DPP6: variants seen among roughly 807,000 people sequenced by gnomAD.
The protein encoded by DPP6 is dipeptidyl peptidase like 6.
In DPP6, 69 loss-of-function variants were observed where a neutral mutation model predicts 122.6. The ratio of observed to expected loss-of-function variants is 0.56; its 90% CI spans 0.46 to 0.69. DPP6 has a LOEUF of 0.69. Among genes scored for constraint, DPP6 ranks in the 30% least tolerant of loss-of-function variants. The pLI is 0.00. For synonymous variants in DPP6, 418 were observed against 433.1 expected, an observed-to-expected ratio of 0.97 and a Z score of 0.43; for missense variants, 928 against 1,116.9, an observed-to-expected ratio of 0.83 and a Z score of 2.41.
At chr7:154,402,151 G>T (rs1408304409) in intron 1 of DPP6, among the ~76,000 whole-genome samples, 2 of 150,156 alleles carry the variant, frequency 1.3e-5, no homozygotes, top group Non-Finnish European at 3.0e-5. Flanking sequence ...CTGTTGGTGG[G>T]ACTGTAAACT....
At chr7:154,154,507 C>T (rs1397112114) in intron 1 of DPP6, among the ~76,000 whole-genome samples, 3 of 152,114 alleles carry the variant, frequency 2.0e-5, no homozygotes, top group Non-Finnish European at 4.4e-5. Context: ...TGATGCAATC[C>T]AAGAAACAGA....
chr7:154,154,095 C>T (rs1362439354), intron 1 of DPP6, among the ~76,000 whole-genome samples: 2 of 152,226 alleles, frequency 1.3e-5, no homozygotes, highest in African/African-American at 4.8e-5. Context: ...CTTCAGGCAG[C>T]AGGAAAAGTC....
At position 154,252,743 on chromosome 7, in the gene DPP6, A is replaced by C. The variant is rs117676194; in HGVS notation, c.244-193471A>C. 5.4e-4 allele frequency among the ~76,000 whole-genome samples: 83 copies of C among 152,348 alleles called. 1 individual carries two copies. In the East Asian group the frequency reaches 0.015, roughly 28 times the overall value. On this transcript the variant is annotated intron_variant, in intron 1 of 25. Transcript: ENST00000377770. ...ATGAGTTGGAAAAGTAAGACTAACA[A>C]ATCTAGAATAAAAGTGAATTGTCTT...
At chr7:153,840,561 AG>A in the DPP6 span, among the ~76,000 whole-genome samples, 88 of 152,286 alleles carry the variant, frequency 5.8e-4, no homozygotes, top group African/African-American at 2.0e-3. Flanking sequence ...ACTAAATCAA[AG>A]TTTTAGCTCT....
intron 1 of DPP6, chr7:154,093,599 C>G (rs62485652): frequency 4.2e-5 from 5 of 120,202 alleles, no homozygotes; most frequent in African/African-American, 1.6e-4. Flanking sequence ...CACCATACCC[C>G]ACACACACAC....
At chr7:154,460,347 C>G (rs758791396) in intron 2 of DPP6, among the ~76,000 whole-genome samples, 36 of 152,162 alleles carry the variant, frequency 2.4e-4, no homozygotes, top group Admixed American at 7.9e-4. Context: ...CTACGAAGGT[C>G]AAAATTTAGC....
At chr7:154,366,708 A>G (rs1812221945) in intron 1 of DPP6, among the ~76,000 whole-genome samples, 1 of 152,202 alleles carries the variant, frequency 6.6e-6, no homozygotes, top group South Asian at 2.1e-4. Flanking sequence ...TGAGTTTGAG[A>G]TGGAAGAATT....
intron 1 of DPP6, among the ~76,000 whole-genome samples, chr7:154,055,217 T>C (rs2628674): frequency 0.58 from 74,985 of 130,214 alleles, 21,956 homozygotes; most frequent in South Asian, 0.65. Context: ...CATATATATC[T>C]GGCACACATC....
At chr7:154,793,425 C>A (rs1797813453) in intron 10 of DPP6, among the ~76,000 whole-genome samples, 1 of 152,120 alleles carries the variant, frequency 6.6e-6, no homozygotes, top group South Asian at 2.1e-4. Flanking sequence ...AAGTAGAGAG[C>A]CGCACAGAGC....
At chr7:154,405,970 A>G (rs1168416209) in intron 1 of DPP6, among the ~76,000 whole-genome samples, 1 of 152,218 alleles carries the variant, frequency 6.6e-6, no homozygotes, top group Non-Finnish European at 1.5e-5. Flanking sequence ...TTGAAATGCG[A>G]TGCGTAACAT....
chr7:154,713,011 A>G (rs1586938789), intron 7 of DPP6, among the ~76,000 whole-genome samples: 1 of 152,338 alleles, frequency 6.6e-6, no homozygotes, highest in East Asian at 1.9e-4. Context: ...TACTTCCTAG[A>G]TACAATGGGG....
chr7:154,646,929 C>G (rs760257696), intron 6 of DPP6, among the ~76,000 whole-genome samples: 5 of 152,206 alleles, frequency 3.3e-5, no homozygotes, highest in Non-Finnish European at 5.9e-5. Flanking sequence ...TCAGTGGAAT[C>G]ATTTAGTTCC....
Position 154,499,410 on chromosome 7 carries a change from G to A in DPP6, c.457+24373G>A, listed in dbSNP as rs559669710. On this transcript the variant is annotated intron_variant, in intron 3 of 25. Coordinates refer to ENST00000377770, the MANE Select transcript of DPP6 (RefSeq NM_130797.4). ...TGGGCTCCTGTTCATATTCCACGAG[G>A]CAAGTCTTAGACCATAGGTGTGCCT... is the stretch of plus-strand genomic sequence containing the variant. Among the ~76,000 whole-genome samples, 57 of 152,212 alleles carry A rather than the reference G, an allele frequency of 3.7e-4. No individual in the cohort carries two copies. In the South Asian group the frequency reaches 6.6e-3, roughly 18 times the overall value.
chr7:153,808,898 C>T, the DPP6 span, among the ~76,000 whole-genome samples: 25,684 of 151,644 alleles, frequency 0.17, 2,491 homozygotes, highest in Admixed American at 0.32. Flanking sequence ...TATTTTTTAA[C>T]GTACACCCAG....
intron 1 of DPP6, among the ~76,000 whole-genome samples, chr7:154,342,935 T>G (rs1810057466): frequency 6.6e-6 from 1 of 152,178 alleles, no homozygotes; most frequent in Non-Finnish European, 1.5e-5. Context: ...ATTTATTTAT[T>G]AAAGAAACCA....
chr7:154,848,916 C>T (rs967032046), intron 16 of DPP6, among the ~76,000 whole-genome samples: 22 of 152,198 alleles, frequency 1.4e-4, no homozygotes, highest in African/African-American at 5.3e-4. Flanking sequence ...ATTGAAGAGA[C>T]TGTCCTTTCC....
chr7:153,886,588 C>A (rs371485199), upstream of DPP6, among the ~76,000 whole-genome samples: 7 of 152,276 alleles, frequency 4.6e-5, no homozygotes, highest in South Asian at 1.2e-3. Context: ...GCCAGGTGTG[C>A]GGCGGGGAGA....
intron 6 of DPP6, among the ~76,000 whole-genome samples, chr7:154,662,466 A>C (rs34363050): frequency 4.5e-5 from 2 of 44,554 alleles, no homozygotes. Context: ...ATGGCGTATC[A>C]GCCGTAGTGT....
intron 1 of DPP6, among the ~76,000 whole-genome samples, chr7:153,921,276 C>T (rs1178094465): frequency 6.6e-6 from 1 of 152,222 alleles, no homozygotes; most frequent in East Asian, 1.9e-4. Flanking sequence ...CCTCCTCAGG[C>T]CTCTAGGGTT....
Sources: allele counts gnomAD v4.1 joint callset (sites outside exome capture counted in the v4.1 genomes callset), GRCh38; gene constraint gnomAD v4.1.1; transcripts MANE v1.5; gene names NCBI Gene and HGNC (gene_info 2026-07-23, HGNC 2026-07-21).